The following GRAMD1B variants were observed in gnomAD, a reference collection of about 807,000 sequenced individuals.
GRAMD1B encodes the protein GRAM domain containing 1B.
In GRAMD1B, 37 loss-of-function variants were observed where a neutral mutation model predicts 99.7. That is an observed-to-expected ratio of 0.37 (90% CI 0.29 to 0.49). GRAMD1B has a LOEUF of 0.49. Ranked by LOEUF, GRAMD1B falls within the 20% of genes least tolerant of loss-of-function variation. The probability of loss-of-function intolerance (pLI) is 0.98; values close to 1 mark genes in which losing one functional copy is unlikely to be tolerated. For missense variants in GRAMD1B, 888 were observed against 1,009.2 expected, an observed-to-expected ratio of 0.88 and a Z score of 1.63; for synonymous variants, 427 against 387.6, an observed-to-expected ratio of 1.10 and a Z score of -1.19.
At position 123,361,037 on chromosome 11, in the gene GRAMD1B, C is replaced by T. The variant is rs182933050; in HGVS notation, c.-176+2238C>T. On this transcript the variant is annotated intron_variant, in intron 1 of 20. Coordinates refer to the GRAMD1B transcript ENST00000638157. ...TTCACCATGTTGGCCAGGCTGGTCTCGAACTCCTGACCTTGTGATCCACCC... is the reference window on the plus strand; with the variant it reads ...TTCACCATGTTGGCCAGGCTGGTCTTGAACTCCTGACCTTGTGATCCACCC... Among the ~76,000 whole-genome samples, 805 of 152,076 alleles carry T rather than the reference C, an allele frequency of 5.3e-3. 6 individuals are homozygous for T. Among genetic ancestry groups the T allele is most frequent in the Non-Finnish European group, 7.9e-3 (537 of 67,970 alleles).
At chr11:123,538,373 G>A (rs1944171804) in intron 2 of GRAMD1B, among the ~76,000 whole-genome samples, 2 of 151,994 alleles carry the variant, frequency 1.3e-5, no homozygotes. Context: ...CCACCTGACT[G>A]ATTTCCCCTT....
chr11:123,462,891 T>TAAAAAAAAAAAAAAA (rs1022451957), intron 1 of GRAMD1B, among the ~76,000 whole-genome samples: 3 of 111,410 alleles, frequency 2.7e-5, no homozygotes, highest in Non-Finnish European at 6.0e-5. Context: ...AAAAATAAAT[T>TAAAAAAAAAAAAAAA]AAAAAAAAAA....
chr11:123,461,674 G>A (rs1464502459), intron 1 of GRAMD1B, among the ~76,000 whole-genome samples: 2 of 152,136 alleles, frequency 1.3e-5, no homozygotes, highest in Non-Finnish European at 2.9e-5. Flanking sequence ...GCGTGATCTC[G>A]GCTCACTGCA....
rs775044653 is a variant in GRAMD1B, at chr11:123,462,889, AT to A, written c.375-17925del. On this transcript the variant is annotated intron_variant, in intron 1 of 19. Coordinates refer to ENST00000635736, the MANE Select transcript of GRAMD1B (RefSeq NM_001387025.1). ...CCAAGAATTATCAATAAAAAAATAA[AT>A]TAAAAAAAAAAAAAAAAAAAAAGAA... Among the ~76,000 whole-genome samples, 337 of 98,264 alleles carry A rather than the reference AT, an allele frequency of 3.4e-3. 6 individuals carry two copies. The highest frequency in any genetic ancestry group is 0.012 in the African/African-American group (271 of 22,454). The allele number at this position is 98,264 out of a possible 152,430, so 64.5% of individuals were successfully genotyped here. A position where few individuals can be genotyped will look rare whatever the true frequency, so the allele number is the denominator to read the frequency against.
chr11:123,437,551 G>C (rs953866522), intron 1 of GRAMD1B, among the ~76,000 whole-genome samples: 2 of 152,134 alleles, frequency 1.3e-5, no homozygotes, highest in Non-Finnish European at 2.9e-5. Context: ...TCACCTGGCT[G>C]TTATGTCCCT....
chr11:123,390,979 C>T (rs1387354183), intron 1 of GRAMD1B, among the ~76,000 whole-genome samples: 1 of 152,248 alleles, frequency 6.6e-6, no homozygotes, highest in East Asian at 1.9e-4. Context: ...CAGCTGCCCG[C>T]CTTTCCTTCT....
In GRAMD1B at chr11:123,623,370, C is replaced by CA. The variant is rs1428629405; in HGVS notation, c.*776dup. 1 of 152,226 alleles carries CA rather than the reference C, an allele frequency of 6.6e-6. No individual in the cohort carries two copies. The highest frequency in any genetic ancestry group is 6.5e-5 in the Admixed American group (1 of 15,282). The allele number at this position is 152,226 out of a possible 1,614,324, so 9.4% of individuals were successfully genotyped here. A position where few individuals can be genotyped will look rare whatever the true frequency, so the allele number is the denominator to read the frequency against. Reference sequence around the variant, plus strand: ...CCCAGGCTGGATCTGGGCGAAGTGTCACTTTTTAGTGCCTAAAGTCCTATT... The same window carrying CA: ...CCCAGGCTGGATCTGGGCGAAGTGTCAACTTTTTAGTGCCTAAAGTCCTATT... On this transcript the variant is annotated 3_prime_UTR_variant, in exon 20 of 20. Transcript: ENST00000635736.
chr11:123,586,578 T>G (rs965295517), intron 4 of GRAMD1B, among the ~76,000 whole-genome samples: 4 of 152,204 alleles, frequency 2.6e-5, no homozygotes, highest in African/African-American at 9.7e-5. Context: ...TCCTTCAGTG[T>G]GCAGTGCTCA....
rs557483329 is a variant in GRAMD1B at position 123,430,879 on chromosome 11, C to G, written c.87C>G (p.Val29=). 15 of 702,458 alleles carry G rather than the reference C, an allele frequency of 2.1e-5. No individual in the cohort carries two copies. Among genetic ancestry groups the G allele is most frequent in the South Asian group, 2.1e-4 (14 of 67,586 alleles). The allele number at this position is 702,458 out of a possible 1,614,324, so 43.5% of individuals were successfully genotyped here. Residue 29 remains valine (V), a synonymous_variant, in exon 1 of 20, where the codon GTC becomes GTG. Coordinates refer to ENST00000635736, the MANE Select transcript of GRAMD1B (RefSeq NM_001387025.1). Reference sequence around the variant, plus strand: ...AGGGTGCGCCCGAGGGCAGCCCGGTCTGGTCCAGTTCGTCGACCCCCACGC... The same window carrying G: ...AGGGTGCGCCCGAGGGCAGCCCGGTGTGGTCCAGTTCGTCGACCCCCACGC... ...EPQGAPEGSP[V]WSSSSTPTLR...
At chr11:123,360,592 TTGGA>T (rs2135670312) in intron 1 of GRAMD1B, among the ~76,000 whole-genome samples, 1 of 152,298 alleles carries the variant, frequency 6.6e-6, no homozygotes, top group Non-Finnish European at 1.5e-5. Flanking sequence ...GGTGATAGTG[TTGGA>T]AGGAAACCAT....
chr11:123,390,895 T>C (rs1947254087), intron 1 of GRAMD1B, among the ~76,000 whole-genome samples: 1 of 152,218 alleles, frequency 6.6e-6, no homozygotes, highest in Admixed American at 6.5e-5. Context: ...CACCACTCTC[T>C]TCCCAGTATC....
rs999543787 is a variant in GRAMD1B at position 123,526,149 on chromosome 11, A to G, written c.452+45256A>G. The G allele has an allele frequency of 2.5e-6, 4 of 1,613,058 alleles. No individual in the cohort carries two copies. The African/African-American group carries it at 5.3e-5, about 22-fold the overall frequency. ...TCAGTGGATTATCGTGACTGTACTA[A>G]TGAAAGGATTCAAGCTCTCCTGGTA... On this transcript the variant is annotated intron_variant, in intron 2 of 19. Coordinates refer to ENST00000635736, the MANE Select transcript of GRAMD1B (RefSeq NM_001387025.1).
chr11:123,415,095 CTTTTTTTT>C (rs1175202539), intron 1 of GRAMD1B, among the ~76,000 whole-genome samples: 22 of 75,830 alleles, frequency 2.9e-4, no homozygotes, highest in Non-Finnish European at 4.4e-4. Flanking sequence ...CTTTTTCTTT[CTTTTTTTT>C]TTTTTTTTTT....
At chr11:123,497,612 T>A (rs1390311302) in intron 2 of GRAMD1B, among the ~76,000 whole-genome samples, 1 of 152,148 alleles carries the variant, frequency 6.6e-6, no homozygotes, top group Non-Finnish European at 1.5e-5. Flanking sequence ...CTACTGCAGC[T>A]AAGCTGGCAG....
intron 2 of GRAMD1B, among the ~76,000 whole-genome samples, chr11:123,567,698 T>G (rs1947541660): frequency 6.6e-6 from 1 of 152,172 alleles, no homozygotes. Flanking sequence ...GAACAGAAGC[T>G]GCAGGAAAGC....
intron 2 of GRAMD1B, chr11:123,560,172 G>T (rs1394448031): frequency 3.0e-6 from 3 of 998,966 alleles, no homozygotes; most frequent in Non-Finnish European, 3.6e-6. Flanking sequence ...ACCGGCAGGC[G>T]ACGTGTGTGC....
At chr11:123,474,749 A>G (rs889216130) in intron 1 of GRAMD1B, among the ~76,000 whole-genome samples, 1 of 151,744 alleles carries the variant, frequency 6.6e-6, no homozygotes, top group Admixed American at 6.6e-5. Context: ...AAAGACATCT[A>G]TAACTGCCAC....
At chr11:123,387,207 A>G (rs1031973672) in intron 1 of GRAMD1B, among the ~76,000 whole-genome samples, 1 of 152,204 alleles carries the variant, frequency 6.6e-6, no homozygotes, top group Non-Finnish European at 1.5e-5. Context: ...CTGGCATTTT[A>G]AGAAGTATCG....
chr11:123,542,664 G>C (rs1290820), intron 2 of GRAMD1B, among the ~76,000 whole-genome samples: 14,913 of 152,118 alleles, frequency 0.098, 793 homozygotes, highest in East Asian at 0.15. Context: ...GTTTTGTTTT[G>C]TTTTTTAGAC....
Sources: gnomAD v4.1 joint callset for allele counts (sites outside exome capture counted in the v4.1 genomes callset) on GRCh38, gnomAD v4.1.1 for gene constraint, MANE v1.5 for transcripts, NCBI Gene and HGNC (gene_info 2026-07-23, HGNC 2026-07-21) for gene names.